EEF1E1: variants seen among roughly 807,000 people sequenced by gnomAD.
The protein encoded by EEF1E1 is eukaryotic translation elongation factor 1 epsilon 1, also known as eukaryotic translation elongation factor 1 epsilon-1.
EEF1E1 carries 19 observed loss-of-function variants against 19.9 expected under a neutral mutation model. The ratio of observed to expected loss-of-function variants is 0.95; its 90% CI spans 0.66 to 1.40. The LOEUF is 1.40. Ranked by LOEUF, EEF1E1 falls within the 40% of genes most tolerant of loss-of-function variation. The probability of loss-of-function intolerance (pLI) is 0.00; values close to 1 mark genes in which losing one functional copy is unlikely to be tolerated. For missense variants in EEF1E1, 198 were observed against 202.2 expected, an observed-to-expected ratio of 0.98 and a Z score of 0.13; for synonymous variants, 81 against 80.0, an observed-to-expected ratio of 1.01 and a Z score of -0.07.
chr6:8,079,227 G>A (rs1176200174), downstream of EEF1E1, among the ~76,000 whole-genome samples: 11 of 152,110 alleles, frequency 7.2e-5, no homozygotes, highest in Non-Finnish European at 1.5e-4. Context: ...ACAGGAGGAA[G>A]AATTTCCCAT....
downstream of EEF1E1, chr6:8,078,737 T>C: frequency 7.8e-7 from 1 of 1,285,180 alleles, no homozygotes; most frequent in South Asian, 1.2e-5. Context: ...CAATCATGAT[T>C]TGCCTGGAGA....
At chr6:8,102,101 G>A in intron 1 of EEF1E1, 2 of 1,209,488 alleles carry the variant, frequency 1.7e-6, no homozygotes, top group Non-Finnish European at 2.1e-6. Context: ...AAAAAAAAAA[G>A]CCAGTTACTG....
downstream of EEF1E1, among the ~76,000 whole-genome samples, chr6:8,076,424 T>C (rs1000826554): frequency 9.2e-5 from 14 of 151,838 alleles, no homozygotes; most frequent in South Asian, 2.1e-4. Flanking sequence ...CCCGGGTTCA[T>C]GCTATTCTCC....
intron 2 of EEF1E1, among the ~76,000 whole-genome samples, chr6:8,090,946 T>C (rs1265823342): frequency 6.6e-6 from 1 of 152,196 alleles, no homozygotes; most frequent in Non-Finnish European, 1.5e-5. Context: ...TCTATAGACA[T>C]AGTTGTTTCC....
chr6:8,102,052 C>T, intron 1 of EEF1E1: 8 of 1,161,384 alleles, frequency 6.9e-6, no homozygotes, highest in Non-Finnish European at 7.5e-6. Flanking sequence ...ATAACGGAGT[C>T]GCTGCGCAAT....
At chr6:8,100,892 C>T (rs1758330090) in intron 1 of EEF1E1, among the ~76,000 whole-genome samples, 1 of 147,536 alleles carries the variant, frequency 6.8e-6, no homozygotes, top group Non-Finnish European at 1.5e-5. Context: ...GATTGTTTCT[C>T]ATACTAGATA....
chr6:8,093,098 T>A (rs1470707012), intron 2 of EEF1E1, among the ~76,000 whole-genome samples: 1 of 152,034 alleles, frequency 6.6e-6, no homozygotes, highest in Non-Finnish European at 1.5e-5. Flanking sequence ...GGTCTCAAAC[T>A]CCTGACCTCG....
chr6:8,093,884 G>A (rs559885957), intron 2 of EEF1E1, among the ~76,000 whole-genome samples: 10 of 151,506 alleles, frequency 6.6e-5, no homozygotes, highest in South Asian at 2.1e-4. Context: ...TGCAACCTCC[G>A]CCTCCCAGGT....
downstream of EEF1E1, chr6:8,078,845 A>G (rs1757659529): frequency 8.9e-7 from 1 of 1,119,246 alleles, no homozygotes; most frequent in African/African-American, 1.7e-5. Flanking sequence ...TTATCTTTTT[A>G]TTTTTAGAAA....
chr6:8,074,495 C>T (rs1010160960), downstream of EEF1E1, among the ~76,000 whole-genome samples: 8 of 152,114 alleles, frequency 5.3e-5, no homozygotes, highest in Admixed American at 3.3e-4. Context: ...CTAAGCCCGG[C>T]GGAAGAAACA....
At chr6:8,099,237 CAT>C (rs1159393820) in intron 1 of EEF1E1, among the ~76,000 whole-genome samples, 1 of 152,194 alleles carries the variant, frequency 6.6e-6, no homozygotes, top group African/African-American at 2.4e-5. Context: ...TTCTGGATGG[CAT>C]ATCCAATGGT....
At chr6:8,092,479 G>T (rs748744645) in intron 2 of EEF1E1, among the ~76,000 whole-genome samples, 1 of 151,574 alleles carries the variant, frequency 6.6e-6, no homozygotes, top group African/African-American at 2.4e-5. Flanking sequence ...TTTAAAGACA[G>T]TCAGTCATTT....
At chr6:8,101,243 A>AAAAAAAATAT (rs1271033598) in intron 1 of EEF1E1, among the ~76,000 whole-genome samples, 13 of 58,474 alleles carry the variant, frequency 2.2e-4, no homozygotes, top group Admixed American at 2.5e-4. Context: ...AAAAAAAAAA[A>AAAAAAAATAT]ATATATATAT....
Position 8,099,831 on chromosome 6 carries a change from G to A in EEF1E1, c.88-2364C>T, listed in dbSNP as rs548041369. Among the ~76,000 whole-genome samples the A allele has an allele frequency of 8.1e-5, 12 of 147,650 alleles. No homozygotes were observed. The South Asian group carries it at 2.4e-3, about 29-fold the overall frequency. Reference sequence around the variant, plus strand: ...ACCCTCTATAATGTTCACACATGATGAAACTGCCTAACAATGCATTTCTTG... The same window carrying A: ...ACCCTCTATAATGTTCACACATGATAAAACTGCCTAACAATGCATTTCTTG... On this transcript the variant is annotated intron_variant, in intron 1 of 3. Transcript: ENST00000379715.
intron 1 of EEF1E1, among the ~76,000 whole-genome samples, chr6:8,100,963 C>T (rs1347999589): frequency 2.0e-5 from 3 of 148,682 alleles, no homozygotes; most frequent in Non-Finnish European, 4.4e-5. Context: ...CAGTGGTTCA[C>T]GCCTGTAATC....
At chr6:8,075,740 G>A (rs905979458), downstream of EEF1E1, among the ~76,000 whole-genome samples, 4 of 152,102 alleles carry the variant, frequency 2.6e-5, no homozygotes, top group South Asian at 2.1e-4. Flanking sequence ...CACATTAATC[G>A]ACTCTTCCTT....
In EEF1E1 at chr6:8,085,323, T is replaced by TTG. The variant is rs562019412; in HGVS notation, c.384+4862_384+4863insCA. 1.8e-3 allele frequency among the ~76,000 whole-genome samples: 272 copies of TTG among 152,148 alleles called. 3 individuals are homozygous for TTG. Among genetic ancestry groups the TTG allele is most frequent in the African/African-American group, 6.3e-3 (261 of 41,516 alleles). On this transcript the variant is annotated intron_variant, in intron 3 of 3. Coordinates refer to ENST00000379715, the MANE Select transcript of EEF1E1 (RefSeq NM_004280.5). ...GCTACCACGCCTGGTTAATGGTTTT[T>TTG]TTTTTTTTTAAATAGAGACGGGTTT...
In EEF1E1 at chr6:8,099,776, AC is replaced by A. The variant is rs1242402780; in HGVS notation, c.88-2310del. On this transcript the variant is annotated intron_variant, in intron 1 of 3. Transcript: ENST00000379715. The stretch of plus-strand genomic sequence containing the variant: ...AACACACACACACACACACACACAC[AC>A]ACACACACACACACAAAAAAAAAAC... Among the ~76,000 whole-genome samples, 913 of 124,936 alleles carry A rather than the reference AC, an allele frequency of 7.3e-3. 12 individuals are homozygous for A. The highest frequency in any genetic ancestry group is 0.011 in the Non-Finnish European group (655 of 58,932). 82.0% of individuals were successfully genotyped at this position (124,936 alleles called of 152,430 possible). A position where few individuals can be genotyped will look rare whatever the true frequency, so the allele number is the denominator to read the frequency against.
At position 8,099,009 on chromosome 6, in the gene EEF1E1, G is replaced by A. The variant is rs374270808; in HGVS notation, c.88-1542C>T. The stretch of plus-strand genomic sequence containing the variant: ...TCATTTTACAGATAATAAAAACCAA[G>A]GTTGCTTGGTTTGCAATGGCAGAGC... On this transcript the variant is annotated intron_variant, in intron 1 of 3. Transcript: ENST00000379715. Among the ~76,000 whole-genome samples, 21 of 151,962 alleles carry A rather than the reference G, an allele frequency of 1.4e-4. No homozygotes were observed. In the East Asian group the frequency reaches 3.5e-3, roughly 25 times the overall value.
Sources: gnomAD v4.1 joint callset for allele counts (sites outside exome capture counted in the v4.1 genomes callset) on GRCh38, gnomAD v4.1.1 for gene constraint, MANE v1.5 for transcripts, NCBI Gene and HGNC (gene_info 2026-07-23, HGNC 2026-07-21) for gene names.